Variants in STK33 observed in about 807,000 individuals in gnomAD.
STK33 encodes serine/threonine-protein kinase 33.
Under a neutral mutation model 58.0 loss-of-function variants are expected in STK33, and 52 were observed. That is an observed-to-expected ratio of 0.90 (90% CI 0.72 to 1.13). STK33 has a LOEUF of 1.13. Ranked by LOEUF, STK33 falls within the 50% of genes most tolerant of loss-of-function variation. The probability of loss-of-function intolerance (pLI) is 0.00; values close to 1 mark genes in which losing one functional copy is unlikely to be tolerated. For missense variants in STK33, 630 were observed against 604.2 expected (o/e 1.04, Z -0.45); for synonymous variants, 215 against 200.1 (o/e 1.07, Z -0.63).
chr11:8,523,056 G>A (rs370053009), intron 1 of STK33, among the ~76,000 whole-genome samples: 1 of 152,250 alleles, frequency 6.6e-6, no homozygotes, highest in South Asian at 2.1e-4. Context: ...GGCCTCCTGA[G>A]CTGCCGGGAT....
chr11:8,417,981 T>C (rs1394444091), intron 14 of STK33, among the ~76,000 whole-genome samples: 1 of 152,176 alleles, frequency 6.6e-6, no homozygotes, highest in African/African-American at 2.4e-5. Flanking sequence ...TACAAGAACA[T>C]CTGTTGTACT....
intron 7 of STK33, among the ~76,000 whole-genome samples, chr11:8,462,516 A>C (rs1364579690): frequency 2.0e-5 from 3 of 151,312 alleles, no homozygotes; most frequent in Non-Finnish European, 2.9e-5. Context: ...AGGCAATGAG[A>C]TTCTACACTC....
chr11:8,382,200 A>T, the STK33 span, among the ~76,000 whole-genome samples: 1 of 152,328 alleles, frequency 6.6e-6, no homozygotes, highest in African/African-American at 2.4e-5. Flanking sequence ...CTGCTGTGTC[A>T]CGCTACATTG....
intron 14 of STK33, among the ~76,000 whole-genome samples, chr11:8,417,775 A>C (rs1564902751): frequency 6.6e-6 from 1 of 152,140 alleles, no homozygotes. Context: ...CACCTAATAG[A>C]TAGACAAAAA....
At chr11:8,452,780 C>G in intron 11 of STK33, 42 bp downstream of exon 11, 1 of 1,563,184 alleles carries the variant, frequency 6.4e-7, no homozygotes, top group African/African-American at 1.4e-5. Flanking sequence ...AGAGGATGAT[C>G]CTGTCTCAAA....
chr11:8,408,424 T>C (rs1939640521), intron 15 of STK33, among the ~76,000 whole-genome samples: 1 of 152,218 alleles, frequency 6.6e-6, no homozygotes, highest in Admixed American at 6.5e-5. Context: ...TGGTTAAGCC[T>C]GTGGTAAAAC....
chr11:8,451,221 A>G (rs1162647721), intron 11 of STK33, among the ~76,000 whole-genome samples: 1 of 152,224 alleles, frequency 6.6e-6, no homozygotes, highest in Non-Finnish European at 1.5e-5. Context: ...TTTCACTCTT[A>G]GTAACTAATT....
At chr11:8,584,110 GAAAA>G (rs35914021) in intron 1 of STK33, among the ~76,000 whole-genome samples, 1 of 126,628 alleles carries the variant, frequency 7.9e-6, no homozygotes, top group Non-Finnish European at 1.7e-5. Flanking sequence ...GAATTTAGAT[GAAAA>G]AAAAAAAAAA....
At chr11:8,362,103 C>G in the STK33 span, among the ~76,000 whole-genome samples, 1 of 152,176 alleles carries the variant, frequency 6.6e-6, no homozygotes, top group East Asian at 1.9e-4. Context: ...AACTCTGGCT[C>G]TGACTGTTCT....
At chr11:8,484,887 T>C (rs1950093878) in intron 1 of STK33, among the ~76,000 whole-genome samples, 1 of 152,182 alleles carries the variant, frequency 6.6e-6, no homozygotes, top group Non-Finnish European at 1.5e-5. Flanking sequence ...GCCTTAGGCA[T>C]GTTATTAGTA....
chr11:8,460,698 AC>A (rs1174482977), intron 8 of STK33, among the ~76,000 whole-genome samples: 3 of 152,146 alleles, frequency 2.0e-5, no homozygotes, highest in Non-Finnish European at 2.9e-5. Flanking sequence ...ACAAAAAAAA[AC>A]ATGAAGAAAA....
At chr11:8,552,201 G>C (rs1227639071) in intron 1 of STK33, among the ~76,000 whole-genome samples, 1 of 152,238 alleles carries the variant, frequency 6.6e-6, no homozygotes, top group Non-Finnish European at 1.5e-5. Context: ...ATGCCAGCTT[G>C]GGGAAGGAAG....
intron 14 of STK33, among the ~76,000 whole-genome samples, chr11:8,420,951 C>A (rs1364889004): frequency 6.6e-6 from 1 of 150,956 alleles, no homozygotes; most frequent in Non-Finnish European, 1.5e-5. Context: ...AGTGGGCATG[C>A]CAGCCTGGGT....
intron 11 of STK33, among the ~76,000 whole-genome samples, chr11:8,443,505 C>A (rs1945023628): frequency 6.6e-6 from 1 of 151,700 alleles, no homozygotes; most frequent in African/African-American, 2.4e-5. Flanking sequence ...TGGAAAAATT[C>A]TAAAAACACT....
chr11:8,444,829 G>A (rs1945218153), intron 11 of STK33, among the ~76,000 whole-genome samples: 1 of 151,964 alleles, frequency 6.6e-6, no homozygotes, highest in African/African-American at 2.4e-5. Flanking sequence ...AAATTTAAGA[G>A]GAAATTTCAA....
the STK33 span, among the ~76,000 whole-genome samples, chr11:8,378,052 C>T: frequency 2.0e-5 from 3 of 152,154 alleles, no homozygotes; most frequent in African/African-American, 7.2e-5. Context: ...TCTTGGGCTA[C>T]TATGAAGAAA....
Position 8,392,624 on chromosome 11 carries a change from A to G in STK33, c.1431T>C (p.Leu477=), listed in dbSNP as rs1222557310. 1 of 1,614,106 alleles carries G rather than the reference A, an allele frequency of 6.2e-7. No individual in the cohort carries two copies. Among genetic ancestry groups the G allele is most frequent in the Non-Finnish European group, 8.5e-7 (1 of 1,180,052 alleles). The change falls in exon 16 of 16, where the codon CTT becomes CTC. Residue 477 remains leucine, a synonymous_variant. Transcript: ENST00000687296. ...CSSSFTSSKL[L]PAEIKGEMEK... is the part of the protein sequence containing the mutation. ...CCATTTCTCCCTTGATTTCAGCTGG[A>G]AGGAGTTTGCTAGATGTGAAACTTG... is the stretch of plus-strand genomic sequence containing the variant.
chr11:8,562,660 T>C (rs1304350460), intron 1 of STK33, among the ~76,000 whole-genome samples: 3 of 152,174 alleles, frequency 2.0e-5, no homozygotes, highest in African/African-American at 7.2e-5. Flanking sequence ...TCTCAATTAG[T>C]TTCATGATAA....
chr11:8,511,931 C>T lies in STK33; in HGVS notation c.-465-31317G>A, dbSNP rs563934890. On this transcript the variant is annotated intron_variant, in intron 1 of 15. Coordinates refer to ENST00000687296, the MANE Select transcript of STK33 (RefSeq NM_001352389.2). The stretch of plus-strand genomic sequence containing the variant: ...AAAACAGTAATATTTTAAAGTATTG[C>T]CCTTAATATGTCATAACTCTAAGAT... Among the ~76,000 whole-genome samples the T allele has an allele frequency of 7.9e-5, 12 of 151,934 alleles. No homozygotes were observed. The South Asian group carries it at 2.5e-3, about 32-fold the overall frequency.
Sources: gnomAD v4.1 joint callset for allele counts (sites outside exome capture counted in the v4.1 genomes callset) on GRCh38, gnomAD v4.1.1 for gene constraint, MANE v1.5 for transcripts, NCBI Gene and HGNC (gene_info 2026-07-23, HGNC 2026-07-21) for gene names.